CRMP1: variants seen among roughly 807,000 people sequenced by gnomAD.
CRMP1 encodes the protein dihydropyrimidinase-related protein 1.
In CRMP1, 19 loss-of-function variants were observed where a neutral mutation model predicts 68.3. That is an observed-to-expected ratio of 0.28 (90% CI 0.19 to 0.41). CRMP1 has a LOEUF of 0.41. Ranked by LOEUF, CRMP1 falls within the 10% of genes least tolerant of loss-of-function variation. The pLI is 1.00. For missense variants in CRMP1, 791 were observed against 967.4 expected (o/e 0.82, Z 2.42); for synonymous variants, 439 against 399.6 (o/e 1.10, Z -1.18).
At position 5,861,619 on chromosome 4, in the gene CRMP1, G is replaced by C. The variant is rs528683306; in HGVS notation, c.471-409C>G. Among the ~76,000 whole-genome samples the C allele has an allele frequency of 6.6e-6, 1 of 152,140 alleles. No homozygotes were observed. Among genetic ancestry groups the C allele is most frequent in the Non-Finnish European group, 1.5e-5 (1 of 68,010 alleles). ...CCTCCAGGAGGTTAAATTCCAAATG[G>C]GGAAGGAGGGAAAAGAGCCTACGAA... On this transcript the variant is annotated intron_variant, in intron 2 of 13. Coordinates refer to ENST00000324989, the MANE Select transcript of CRMP1 (RefSeq NM_001014809.3). This position sits in a 1 kb window ranked among gnomAD's most constrained non-coding sequence, Gnocchi z 6.0.
At chr4:5,851,501 G>C (rs1327407831) in intron 4 of CRMP1, 32 bp from the exon 5 acceptor site, 1 of 1,600,220 alleles carries the variant, frequency 6.2e-7, no homozygotes, top group Non-Finnish European at 8.6e-7. Context: ...AGAAAAATAT[G>C]TTTAAGAAAA....
In CRMP1 at chr4:5,867,058, C is replaced by T. The variant is rs143466541; in HGVS notation, c.382-302G>A. 2.0e-4 allele frequency among the ~76,000 whole-genome samples: 31 copies of T among 152,280 alleles called. No homozygotes were observed. The East Asian group carries it at 5.8e-3, about 28-fold the overall frequency. ...TCTCTCTCACTGTTAACCCATTTCC[C>T]GTTTGCCCCGAGAAATGAGTATGGG... On this transcript the variant is annotated intron_variant, in intron 1 of 13. Coordinates refer to ENST00000324989, the MANE Select transcript of CRMP1 (RefSeq NM_001014809.3).
intron 6 of CRMP1, among the ~76,000 whole-genome samples, chr4:5,846,239 T>A (rs551137366): frequency 5.3e-5 from 8 of 152,236 alleles, no homozygotes; most frequent in Non-Finnish European, 1.2e-4. Context: ...GGGGCTGCAA[T>A]GAGCCAAGAT....
intron 9 of CRMP1, 127 bp downstream of exon 9, chr4:5,839,395 G>A: frequency 1.7e-6 from 2 of 1,210,454 alleles, no homozygotes; most frequent in Non-Finnish European, 2.3e-6. Context: ...CGCAGTCCTT[G>A]CAGAGCACGG....
intron 1 of CRMP1, among the ~76,000 whole-genome samples, chr4:5,885,270 G>T (rs1421347181): frequency 6.6e-6 from 1 of 152,012 alleles, no homozygotes; most frequent in Non-Finnish European, 1.5e-5. Flanking sequence ...TGAACTCATT[G>T]GCAAAGCTAC....
intron 11 of CRMP1, among the ~76,000 whole-genome samples, chr4:5,831,382 G>T (rs1720372043): frequency 1.3e-5 from 2 of 152,020 alleles, no homozygotes; most frequent in African/African-American, 4.8e-5. Flanking sequence ...TGATTTTTAG[G>T]TGCATTCTTG....
rs1269271523 is a variant in CRMP1 at position 5,841,467 on chromosome 4, G to A, written c.1033-39C>T. On this transcript the variant is annotated intron_variant, in intron 7 of 13. Coordinates refer to ENST00000324989, the MANE Select transcript of CRMP1 (RefSeq NM_001014809.3). The surrounding 1 kb of genome is among the most constrained non-coding windows in gnomAD (Gnocchi z 6.9). Reference sequence around the variant, plus strand: ...ACACAGTGTCACAGGAGGGAAGGCTGGTGTAACAGCTACCACCCATCTCCA... The same window carrying A: ...ACACAGTGTCACAGGAGGGAAGGCTAGTGTAACAGCTACCACCCATCTCCA... 1.9e-6 allele frequency: 3 copies of A among 1,610,400 alleles called. No individual in the cohort carries two copies. The highest frequency in any genetic ancestry group is 2.2e-5 in the East Asian group (1 of 44,756).
At chr4:5,869,364 A>G (rs1461100606) in intron 1 of CRMP1, among the ~76,000 whole-genome samples, 1 of 152,170 alleles carries the variant, frequency 6.6e-6, no homozygotes, top group Non-Finnish European at 1.5e-5. Context: ...TCTGCCCTGA[A>G]GCCCATCCCT....
At position 5,892,409 on chromosome 4, in the gene CRMP1, C is replaced by T. The variant is rs1257323756; in HGVS notation, c.381+180G>A. Among the ~76,000 whole-genome samples the T allele has an allele frequency of 2.0e-5, 3 of 152,122 alleles. No individual in the cohort carries two copies. Among genetic ancestry groups the T allele is most frequent in the Non-Finnish European group, 4.4e-5 (3 of 67,990 alleles). On this transcript the variant is annotated intron_variant, in intron 1 of 13. Transcript: ENST00000324989. This position sits in a 1 kb window ranked among gnomAD's most constrained non-coding sequence, Gnocchi z 8.6. ...CCACGCCGGCCAGCCCCGACCGAGT[C>T]GCCCCAGCTCTGGGAACCTCTTGCA...
At chr4:5,882,303 G>A (rs1397489727) in intron 1 of CRMP1, among the ~76,000 whole-genome samples, 2 of 152,176 alleles carry the variant, frequency 1.3e-5, no homozygotes, top group Non-Finnish European at 1.5e-5. Flanking sequence ...CCTTCAGCCT[G>A]GGTCTCAAAG....
At chr4:5,857,025 CATCACCACCATCCACTATT>C (rs1176316470) in intron 3 of CRMP1, among the ~76,000 whole-genome samples, 1 of 151,040 alleles carries the variant, frequency 6.6e-6, no homozygotes. Context: ...CATCTGCTAT[CATCACCACCATCCACTATT>C]ATCACCACTA....
chr4:5,849,477 G>A lies in CRMP1; in HGVS notation c.883-5C>T, dbSNP rs765570584. On this transcript the variant is annotated splice_polypyrimidine_tract_variant and splice_region_variant and intron_variant, in intron 5 of 13. Coordinates refer to ENST00000324989, the MANE Select transcript of CRMP1 (RefSeq NM_001014809.3). ...GAAGGTAAAGGCTTCATAGAGCTAT[G>A]GAGAGATAAACAGGGGTTGGTGTGA... The A allele has an allele frequency of 2.5e-6, 4 of 1,604,368 alleles. No homozygotes were observed. In the African/African-American group the frequency reaches 5.4e-5, roughly 22 times the overall value.
intron 12 of CRMP1, among the ~76,000 whole-genome samples, chr4:5,827,266 G>A (rs1348919653): frequency 6.6e-6 from 1 of 152,188 alleles, no homozygotes; most frequent in African/African-American, 2.4e-5. Flanking sequence ...CTCTTCAGTG[G>A]GTGTCCCAGC....
rs529394915 is a variant in CRMP1, at chr4:5,891,335, C to T, written c.381+1254G>A. On this transcript the variant is annotated intron_variant, in intron 1 of 13. Transcript: ENST00000324989. This position sits in a 1 kb window ranked among gnomAD's most constrained non-coding sequence, Gnocchi z 5.2. ...GGCCCACCACCGTGTTTACCAGTTCCCTGCTCCTATTCCTCCAGGAAGCCC... is the reference window on the plus strand; with the variant it reads ...GGCCCACCACCGTGTTTACCAGTTCTCTGCTCCTATTCCTCCAGGAAGCCC... 6.6e-6 allele frequency among the ~76,000 whole-genome samples: 1 copy of T among 152,266 alleles called. No homozygotes were observed. Among genetic ancestry groups the T allele is most frequent in the South Asian group, 2.1e-4 (1 of 4,810 alleles).
chr4:5,847,378 G>A (rs1418935628), intron 6 of CRMP1, among the ~76,000 whole-genome samples: 2 of 152,150 alleles, frequency 1.3e-5, no homozygotes, highest in Admixed American at 6.5e-5. Flanking sequence ...ATTGTAATTT[G>A]CATGGGAGAG....
rs763221244 is a variant in CRMP1 at position 5,839,626 on chromosome 4, G to T, written c.1206C>A (p.Thr402=). Residue 402 remains threonine, a synonymous_variant, in exon 9 of 14, where the codon ACC becomes ACA. Coordinates refer to ENST00000324989, the MANE Select transcript of CRMP1 (RefSeq NM_001014809.3). ...TGGCCCAGTTCTTGCTCCAGTAATG[G>T]GTGCCATCGGTCCCCAGGCTGGCGG... is the stretch of plus-strand genomic sequence containing the variant. ...PIAASLGTDG[T]HYWSKNWAKA... 197 of 1,613,078 alleles carry T rather than the reference G, an allele frequency of 1.2e-4. No individual in the cohort carries two copies. Among genetic ancestry groups the T allele is most frequent in the Non-Finnish European group, 1.5e-4 (176 of 1,179,666 alleles).
Position 5,853,047 on chromosome 4 carries a change from G to A in CRMP1, c.821-1578C>T, listed in dbSNP as rs1712784260. Among the ~76,000 whole-genome samples the A allele has an allele frequency of 6.6e-6, 1 of 152,246 alleles. No individual in the cohort carries two copies. Among genetic ancestry groups the A allele is most frequent in the Non-Finnish European group, 1.5e-5 (1 of 68,044 alleles). ...TCTGGAGGAGCAGGCGCATCCTGAT[G>A]AGCCAGGCAGACAGCTTGCAATTTA... On this transcript the variant is annotated intron_variant, in intron 4 of 13. Transcript: ENST00000324989. The surrounding 1 kb of genome is among the most constrained non-coding windows in gnomAD (Gnocchi z 4.7).
At position 5,892,568 on chromosome 4, in the gene CRMP1, C is replaced by T. The variant is rs1716000524; in HGVS notation, c.381+21G>A. 1.7e-6 allele frequency: 2 copies of T among 1,173,952 alleles called. No homozygotes were observed. Among genetic ancestry groups the T allele is most frequent in the Admixed American group, 4.6e-5 (1 of 21,704 alleles). 72.7% of individuals were successfully genotyped at this position (1,173,952 alleles called of 1,614,324 possible). A position where few individuals can be genotyped will look rare whatever the true frequency, so the allele number is the denominator to read the frequency against. ...CCGGGGCCCGCCCCCCTCGTCTGGCCCGCGCGCGCCCCGAGGGTACCTGGC... is the reference window on the plus strand; with the variant it reads ...CCGGGGCCCGCCCCCCTCGTCTGGCTCGCGCGCGCCCCGAGGGTACCTGGC... On this transcript the variant is annotated intron_variant, in intron 1 of 13. Coordinates refer to ENST00000324989, the MANE Select transcript of CRMP1 (RefSeq NM_001014809.3). This position sits in a 1 kb window ranked among gnomAD's most constrained non-coding sequence, Gnocchi z 8.6.
chr4:5,885,516 G>A (rs372717435), intron 1 of CRMP1, among the ~76,000 whole-genome samples: 33 of 152,280 alleles, frequency 2.2e-4, no homozygotes, highest in East Asian at 1.4e-3. Context: ...ACTGTGCAGC[G>A]GTTGCCCTGG....
Sources: gnomAD v4.1 joint callset for allele counts (sites outside exome capture counted in the v4.1 genomes callset) on GRCh38, gnomAD v4.1.1 for gene constraint, Gnocchi (gnomAD v3.1) non-coding constraint, MANE v1.5 for transcripts, NCBI Gene and HGNC (gene_info 2026-07-23, HGNC 2026-07-21) for gene names.